The following CSGALNACT1 variants were observed in gnomAD, a reference collection of about 807,000 sequenced individuals.
The protein encoded by CSGALNACT1 is chondroitin sulfate N-acetylgalactosaminyltransferase 1, also known as beta4GalNAcT-1.
Under a neutral mutation model 51.0 loss-of-function variants are expected in CSGALNACT1, and 52 were observed. That is an observed-to-expected ratio of 1.02 (90% CI 0.82 to 1.29). The LOEUF (loss-of-function observed/expected upper bound fraction) is 1.29. CSGALNACT1 is among the 50% of genes most tolerant of loss of function. The pLI is 0.00. For missense variants in CSGALNACT1, 935 were observed against 679.2 expected, an observed-to-expected ratio of 1.38 and a Z score of -4.19; for synonymous variants, 341 against 254.4, an observed-to-expected ratio of 1.34 and a Z score of -3.24.
At chr8:19,478,305 T>A (rs1389369352) in intron 4 of CSGALNACT1, among the ~76,000 whole-genome samples, 1 of 150,124 alleles carries the variant, frequency 6.7e-6, no homozygotes, top group Non-Finnish European at 1.5e-5. Context: ...TCCCAGCTAC[T>A]CGGGAGGCTG....
At chr8:19,478,098 A>T (rs2070249299) in intron 4 of CSGALNACT1, among the ~76,000 whole-genome samples, 1 of 151,598 alleles carries the variant, frequency 6.6e-6, no homozygotes, top group Admixed American at 6.6e-5. Context: ...TACACAGTGG[A>T]ATCATTTGGG....
At chr8:19,435,148 G>C (rs540709952) in intron 6 of CSGALNACT1, among the ~76,000 whole-genome samples, 27 of 152,280 alleles carry the variant, frequency 1.8e-4, no homozygotes, top group Middle Eastern at 3.4e-3. Context: ...TTGTAATGTA[G>C]TAAATGTCAA....
intron 5 of CSGALNACT1, 46 bp downstream of exon 4, chr8:19,458,380 A>G (rs952282492): frequency 3.5e-6 from 5 of 1,438,386 alleles, no homozygotes; most frequent in Non-Finnish European, 4.9e-6. Flanking sequence ...TCAGTGTTCT[A>G]ACACACATCA....
chr8:19,665,477 C>T (rs1171743523), intron 1 of CSGALNACT1, among the ~76,000 whole-genome samples: 1 of 152,178 alleles, frequency 6.6e-6, no homozygotes, highest in East Asian at 1.9e-4. Context: ...CTCAAAGGTA[C>T]TCAGGCTGCG....
intron 1 of CSGALNACT1, among the ~76,000 whole-genome samples, chr8:19,632,957 G>A (rs1293933192): frequency 2.7e-5 from 4 of 146,200 alleles, no homozygotes; most frequent in South Asian, 2.2e-4. Context: ...TGGTAGAGAC[G>A]AGGTTTCCCC....
chr8:19,629,165 G>A (rs185035792), intron 1 of CSGALNACT1, among the ~76,000 whole-genome samples: 4 of 152,278 alleles, frequency 2.6e-5, no homozygotes, highest in Non-Finnish European at 5.9e-5. Flanking sequence ...CATGCCCAGA[G>A]GATACAGGAC....
intron 5 of CSGALNACT1, among the ~76,000 whole-genome samples, chr8:19,443,230 G>A (rs1390486682): frequency 6.6e-6 from 1 of 152,206 alleles, no homozygotes; most frequent in Non-Finnish European, 1.5e-5. Context: ...TTATGTATAT[G>A]TGTATGTATG....
At chr8:19,467,670 T>C (rs1211730394) in intron 4 of CSGALNACT1, among the ~76,000 whole-genome samples, 2 of 152,138 alleles carry the variant, frequency 1.3e-5, no homozygotes, top group African/African-American at 4.8e-5. Flanking sequence ...ATATTAATGA[T>C]GGATTGTATT....
At chr8:19,462,737 G>T (rs1011291598) in intron 4 of CSGALNACT1, among the ~76,000 whole-genome samples, 1 of 151,822 alleles carries the variant, frequency 6.6e-6, no homozygotes, top group East Asian at 1.9e-4. Flanking sequence ...TTTTTAGCTG[G>T]TTTCTCTATA....
intron 3 of CSGALNACT1, among the ~76,000 whole-genome samples, chr8:19,555,537 T>A (rs548473213): frequency 4.5e-4 from 69 of 152,250 alleles, no homozygotes; most frequent in African/African-American, 1.5e-3. Flanking sequence ...CACTGAAGCA[T>A]AATTCCGATA....
intron 1 of CSGALNACT1, among the ~76,000 whole-genome samples, chr8:19,714,753 TA>T (rs1473293660): frequency 1.7e-5 from 2 of 116,696 alleles, no homozygotes; most frequent in African/African-American, 2.8e-5. Flanking sequence ...TCTCCTGGGA[TA>T]TTTTTTTTTT....
intron 1 of CSGALNACT1, among the ~76,000 whole-genome samples, chr8:19,662,511 T>G (rs2154191595): frequency 6.6e-6 from 1 of 152,340 alleles, no homozygotes; most frequent in East Asian, 1.9e-4. Context: ...TGAAAAAGGT[T>G]CACATCATCT....
intron 2 of CSGALNACT1, chr8:19,591,415 AAAT>A (rs2154133619): frequency 6.6e-6 from 1 of 152,350 alleles, no homozygotes; most frequent in African/African-American, 2.4e-5. Flanking sequence ...CCATGAGACA[AAAT>A]ATAAGTATAC....
In CSGALNACT1 at chr8:19,587,126, A is replaced by T. The variant is rs116858722; in HGVS notation, c.-297+4034T>A. On this transcript the variant is annotated intron_variant, in intron 3 of 9. Coordinates refer to ENST00000454498, the Ensembl canonical transcript of CSGALNACT1. ...CACAGTCAGGGCTGCAGGACCAAAA[A>T]CAGCAATCGCTGCAAACTGACTCCA... is the stretch of plus-strand genomic sequence containing the variant. 7.5e-4 allele frequency among the ~76,000 whole-genome samples: 114 copies of T among 152,288 alleles called. 1 individual carries two copies. The East Asian group carries it at 0.012, about 17-fold the overall frequency.
chr8:19,741,127 T>C (rs896479212), intron 1 of CSGALNACT1, among the ~76,000 whole-genome samples: 7 of 152,182 alleles, frequency 4.6e-5, no homozygotes, highest in Admixed American at 4.6e-4. Context: ...ACAGTGGCAG[T>C]CCAGTGGCAC....
At chr8:19,449,366 G>T (rs181835309) in intron 5 of CSGALNACT1, among the ~76,000 whole-genome samples, 1 of 152,176 alleles carries the variant, frequency 6.6e-6, no homozygotes, top group South Asian at 2.1e-4. Context: ...AGGTAGAGGG[G>T]CTTAAGGATG....
intron 3 of CSGALNACT1, among the ~76,000 whole-genome samples, chr8:19,518,981 C>T (rs60493544): frequency 6.6e-6 from 1 of 152,168 alleles, no homozygotes; most frequent in African/African-American, 2.4e-5. Flanking sequence ...GATCCTTGTA[C>T]ATTATGAGCA....
chr8:19,458,426 CTGAAAT>C (rs773488441), exon 5 of CSGALNACT1: 2 of 1,613,824 alleles, frequency 1.2e-6, no homozygotes, highest in Non-Finnish European at 1.7e-6. Context: ...ACAAACCAAC[CTGAAAT>C]TCTGCATGAA....
At chr8:19,618,629 C>CAAAAAAAAAAAAAAAAAAA (rs60787326) in intron 1 of CSGALNACT1, among the ~76,000 whole-genome samples, 23 of 64,048 alleles carry the variant, frequency 3.6e-4, no homozygotes, top group East Asian at 6.0e-4. Context: ...AATACTCCAT[C>CAAAAAAAAAAAAAAAAAAA]AAAAAAAAAA....
Sources: gnomAD v4.1 joint callset for allele counts (sites outside exome capture counted in the v4.1 genomes callset) on GRCh38, gnomAD v4.1.1 for gene constraint, MANE v1.5 for transcripts, NCBI Gene and HGNC (gene_info 2026-07-23, HGNC 2026-07-21) for gene names.